TSHR: variants seen among roughly 807,000 people sequenced by gnomAD.
TSHR encodes thyrotropin receptor.
Under a neutral mutation model 64.1 loss-of-function variants are expected in TSHR, and 51 were observed. The ratio of observed to expected loss-of-function variants is 0.80; its 90% CI spans 0.64 to 1.01. TSHR has a LOEUF of 1.01. Ranked by LOEUF, TSHR falls within the 50% of genes least tolerant of loss-of-function variation. The pLI, the probability that TSHR is intolerant of heterozygous loss-of-function variation, is 0.00. For synonymous variants in TSHR, 361 were observed against 361.9 expected, an observed-to-expected ratio of 1.00 and a Z score of 0.03; for missense variants, 877 against 942.8, an observed-to-expected ratio of 0.93 and a Z score of 0.91.
intron 1 of TSHR, among the ~76,000 whole-genome samples, chr14:80,975,041 T>A (rs942996710): frequency 6.6e-6 from 1 of 152,228 alleles, no homozygotes; most frequent in Non-Finnish European, 1.5e-5. Context: ...TTACCTTTTG[T>A]ATCTATTAAA....
intron 1 of TSHR, among the ~76,000 whole-genome samples, chr14:81,026,270 C>T (rs1884046301): frequency 6.6e-6 from 1 of 152,166 alleles, no homozygotes; most frequent in Non-Finnish European, 1.5e-5. Flanking sequence ...AGCAGGTGCA[C>T]AATAAATATT....
At position 81,087,993 on chromosome 14, in the gene TSHR, T is replaced by A. The variant is rs144084915; in HGVS notation, c.357T>A (p.Pro119=). The change falls in exon 4 of 10, where the codon CCT becomes CCA. Residue 119 remains proline (P), a synonymous_variant. Transcript: ENST00000298171. ...CCAGGAACTTAACTTACATAGACCC[T>A]GATGCCCTCAAAGAGCTCCCCCTCC... ...RNTRNLTYID[P]DALKELPLLK... is the part of the protein sequence containing the mutation. The A allele has an allele frequency of 2.5e-3, 4,107 of 1,613,932 alleles. 11 individuals are homozygous for A. The highest frequency in any genetic ancestry group is 3.0e-3 in the Non-Finnish European group (3,584 of 1,179,820).
chr14:81,065,739 C>T (rs747630594), intron 2 of TSHR, among the ~76,000 whole-genome samples: 4 of 152,156 alleles, frequency 2.6e-5, no homozygotes, highest in Non-Finnish European at 2.9e-5. Flanking sequence ...GGATGTCTGT[C>T]ATACAATGAA....
chr14:81,118,433 C>T (rs532558733), intron 8 of TSHR, among the ~76,000 whole-genome samples: 38 of 136,752 alleles, frequency 2.8e-4, no homozygotes, highest in African/African-American at 1.1e-3. Flanking sequence ...ACAATTGCTT[C>T]AAAGAGAATA....
intron 8 of TSHR, among the ~76,000 whole-genome samples, chr14:81,135,344 G>C (rs1891411036): frequency 6.6e-6 from 1 of 152,198 alleles, no homozygotes; most frequent in Non-Finnish European, 1.5e-5. Context: ...AAGCTGGAAA[G>C]CAATATAAGA....
intron 8 of TSHR, among the ~76,000 whole-genome samples, chr14:81,110,383 G>A (rs1024910760): frequency 6.6e-6 from 1 of 152,182 alleles, no homozygotes; most frequent in Non-Finnish European, 1.5e-5. Flanking sequence ...GAGACACCAG[G>A]GATGGGCGCT....
At chr14:80,987,322 G>A (rs1888509301) in intron 1 of TSHR, among the ~76,000 whole-genome samples, 2 of 152,152 alleles carry the variant, frequency 1.3e-5, no homozygotes, top group Non-Finnish European at 2.9e-5. Context: ...AAAGCACTCT[G>A]GCTCTTTCCT....
intron 1 of TSHR, among the ~76,000 whole-genome samples, chr14:80,979,573 A>G (rs374972843): frequency 6.6e-6 from 1 of 152,222 alleles, no homozygotes; most frequent in African/African-American, 2.4e-5. Flanking sequence ...TGGATTTGCA[A>G]ATTACTCTGA....
chr14:80,956,022 C>T (rs1886658289), intron 1 of TSHR, 172 bp downstream of exon 1: 3 of 761,938 alleles, frequency 3.9e-6, no homozygotes, highest in South Asian at 3.2e-5. Context: ...AACTTAATCG[C>T]CCACACTTGG....
At chr14:81,055,841 C>G (rs1713407668) in intron 1 of TSHR, among the ~76,000 whole-genome samples, 1 of 152,150 alleles carries the variant, frequency 6.6e-6, no homozygotes, top group African/African-American at 2.4e-5. Context: ...AGGGACTTGC[C>G]TTGTCTCAGA....
chr14:80,979,116 C>T (rs1352439099), intron 1 of TSHR, among the ~76,000 whole-genome samples: 1 of 152,210 alleles, frequency 6.6e-6, no homozygotes, highest in East Asian at 1.9e-4. Context: ...CCATCGGTTA[C>T]CCGGATGCTC....
At chr14:81,069,050 GA>G (rs1395988739) in intron 3 of TSHR, among the ~76,000 whole-genome samples, 2 of 152,052 alleles carry the variant, frequency 1.3e-5, no homozygotes, top group Admixed American at 1.3e-4. Context: ...TACTAATCAT[GA>G]ACTCTATTTT....
intron 8 of TSHR, among the ~76,000 whole-genome samples, chr14:81,120,303 A>G (rs1024904078): frequency 6.6e-6 from 1 of 152,164 alleles, no homozygotes; most frequent in East Asian, 1.9e-4. Flanking sequence ...ACAAACAAGA[A>G]CAGACATCCA....
At chr14:81,116,985 A>T (rs552418986) in intron 8 of TSHR, among the ~76,000 whole-genome samples, 1 of 136,934 alleles carries the variant, frequency 7.3e-6, no homozygotes, top group Non-Finnish European at 1.5e-5. Context: ...TGAAACCAAC[A>T]AGAACAAAGA....
chr14:81,108,428 G>T lies in TSHR; in HGVS notation c.668G>T (p.Gly223Val). ...LTVIDKDAFG[G>V]VYSGPSLLDV... is the part of the protein sequence containing the mutation. ...GTTATTGACAAAGATGCATTTGGAGGAGTATACAGTGGACCAAGCTTGCTG... is the reference window on the plus strand; with the variant it reads ...GTTATTGACAAAGATGCATTTGGAGTAGTATACAGTGGACCAAGCTTGCTG... Residue 223 changes from glycine (G) to valine (V), a missense_variant, in exon 8 of 10, where the codon GGA (glycine) becomes GTA (valine). Transcript: ENST00000298171. 6.2e-7 allele frequency: 1 copy of T among 1,613,168 alleles called. No individual in the cohort carries two copies. Among genetic ancestry groups the T allele is most frequent in the South Asian group, 1.1e-5 (1 of 90,996 alleles).
intron 1 of TSHR, among the ~76,000 whole-genome samples, chr14:81,056,237 A>G (rs1410250176): frequency 6.6e-6 from 1 of 152,188 alleles, no homozygotes; most frequent in African/African-American, 2.4e-5. Context: ...CCTTAGCCAC[A>G]TGGTACTGTA....
At chr14:81,130,769 A>G (rs1425773576) in intron 8 of TSHR, among the ~76,000 whole-genome samples, 3 of 136,342 alleles carry the variant, frequency 2.2e-5, no homozygotes, top group Admixed American at 2.0e-4. Context: ...AGGCGGGTGG[A>G]TCATGAGGTC....
rs1470956073 is a variant in TSHR, at chr14:80,955,729, A to G, written c.49A>G (p.Arg17Gly). The G allele has an allele frequency of 6.2e-7, 1 of 1,614,156 alleles. No individual in the cohort carries two copies. Among genetic ancestry groups the G allele is most frequent in the Non-Finnish European group, 8.5e-7 (1 of 1,180,014 alleles). The change falls in exon 1 of 10, where the codon AGG becomes GGG. Residue 17 changes from arginine to glycine, a missense_variant. Coordinates refer to ENST00000298171, the MANE Select transcript of TSHR (RefSeq NM_000369.5). ...GCTGGTGCTGCTGCTCGACCTGCCCAGGGACCTGGGCGGAATGGGGTGTTC... is the reference window on the plus strand; with the variant it reads ...GCTGGTGCTGCTGCTCGACCTGCCCGGGGACCTGGGCGGAATGGGGTGTTC... The part of the protein sequence containing the change: ...LQLVLLLDLP[R>G]DLGGMGCSSP...
At chr14:81,030,308 G>A (rs1024260390) in intron 1 of TSHR, among the ~76,000 whole-genome samples, 1 of 152,058 alleles carries the variant, frequency 6.6e-6, no homozygotes, top group African/African-American at 2.4e-5. Context: ...AAAGACCACA[G>A]AAAACTGATC....
Sources: allele counts gnomAD v4.1 joint callset (sites outside exome capture counted in the v4.1 genomes callset), GRCh38; gene constraint gnomAD v4.1.1; transcripts MANE v1.5; gene names NCBI Gene and HGNC (gene_info 2026-07-23, HGNC 2026-07-21).